PYM1: variants seen among roughly 807,000 people sequenced by gnomAD.
PYM1 encodes partner of Y14 and mago.
PYM1 carries 7 observed loss-of-function variants against 20.7 expected under a neutral mutation model. That is an observed-to-expected ratio of 0.34 (90% CI 0.19 to 0.64). PYM1 has a LOEUF of 0.64. Ranked by LOEUF, PYM1 falls within the 30% of genes least tolerant of loss-of-function variation. The probability of loss-of-function intolerance (pLI) is 0.74; values close to 1 mark genes in which losing one functional copy is unlikely to be tolerated. For synonymous variants in PYM1, 100 were observed against 99.2 expected (o/e 1.01, Z -0.05); for missense variants, 194 against 250.0 (o/e 0.78, Z 1.51).
intron 1 of PYM1, among the ~76,000 whole-genome samples, chr12:55,916,109 C>T (rs147978244): frequency 0.019 from 2,941 of 152,146 alleles, 42 homozygotes; most frequent in Middle Eastern, 0.065. Context: ...CCAAGGCGGG[C>T]GGATCACCTG....
At chr12:55,909,283 G>A (rs774085677) in intron 1 of PYM1, among the ~76,000 whole-genome samples, 52 of 152,178 alleles carry the variant, frequency 3.4e-4, no homozygotes, top group Non-Finnish European at 7.3e-4. Flanking sequence ...GGGAGACAGA[G>A]TAGATTAGAA....
At chr12:55,908,722 G>A (rs1463532479) in intron 1 of PYM1, among the ~76,000 whole-genome samples, 2 of 151,196 alleles carry the variant, frequency 1.3e-5, no homozygotes, top group Non-Finnish European at 2.9e-5. Context: ...GTGGTGGCTG[G>A]GCGTCTGTAA....
chr12:55,921,190 A>G (rs1327698810), intron 1 of PYM1, among the ~76,000 whole-genome samples: 1 of 152,236 alleles, frequency 6.6e-6, no homozygotes, highest in Non-Finnish European at 1.5e-5. Context: ...GGCCATATAT[A>G]GTAATTTCTT....
intron 1 of PYM1, among the ~76,000 whole-genome samples, chr12:55,907,423 A>G (rs1197317714): frequency 7.0e-6 from 1 of 143,522 alleles, no homozygotes; most frequent in Admixed American, 7.2e-5. Context: ...ACATGGTGAA[A>G]CCCTGTCTCT....
chr12:55,915,672 G>A (rs1340225040), intron 1 of PYM1, among the ~76,000 whole-genome samples: 1 of 152,052 alleles, frequency 6.6e-6, no homozygotes, highest in East Asian at 1.9e-4. Flanking sequence ...AAGTAAGGAG[G>A]AAGTGGGCAA....
Position 55,911,271 on chromosome 12 carries a change from G to C in PYM1, c.38-7791C>G, listed in dbSNP as rs375505800. Among the ~76,000 whole-genome samples the C allele has an allele frequency of 3.9e-4, 59 of 151,922 alleles. 2 individuals are homozygous for C. The East Asian group carries it at 4.5e-3, about 12-fold the overall frequency. The stretch of plus-strand genomic sequence containing the variant: ...TTACAGATGTGTGCCACCACGTCCG[G>C]CTAATTTTTATATATTTTTAAGTAG... On this transcript the variant is annotated intron_variant, in intron 1 of 2. Transcript: ENST00000408946.
At chr12:55,918,080 C>A (rs1883037789) in intron 1 of PYM1, among the ~76,000 whole-genome samples, 1 of 151,856 alleles carries the variant, frequency 6.6e-6, no homozygotes, top group African/African-American at 2.4e-5. Flanking sequence ...ATGTAACAAA[C>A]CTACACATTT....
chr12:55,917,608 G>A (rs1261088083), intron 1 of PYM1, among the ~76,000 whole-genome samples: 9 of 152,176 alleles, frequency 5.9e-5, no homozygotes, highest in South Asian at 4.1e-4. Context: ...GGGTACTCAC[G>A]GACATAAAGA....
At chr12:55,905,078 T>G (rs1005995658) in intron 1 of PYM1, among the ~76,000 whole-genome samples, 1 of 151,614 alleles carries the variant, frequency 6.6e-6, no homozygotes, top group African/African-American at 2.4e-5. Context: ...CTCGGCTCAC[T>G]GCAAGCTCTG....
chr12:55,926,097 T>C (rs1883182070), intron 1 of PYM1, among the ~76,000 whole-genome samples: 1 of 152,182 alleles, frequency 6.6e-6, no homozygotes, highest in South Asian at 2.1e-4. Context: ...AGGCACACTG[T>C]TGCTTCTACA....
intron 1 of PYM1, among the ~76,000 whole-genome samples, chr12:55,904,321 C>T (rs1204519517): frequency 8.1e-5 from 12 of 148,536 alleles, no homozygotes; most frequent in East Asian, 2.1e-4. Context: ...TGGCCAGGCA[C>T]GGTGGCTCAT....
chr12:55,922,445 C>CAAAAAAAAAAAAAAAAAAAAAAA (rs56355933), intron 1 of PYM1, among the ~76,000 whole-genome samples: 1 of 86,246 alleles, frequency 1.2e-5, no homozygotes, highest in Non-Finnish European at 2.2e-5. Flanking sequence ...CCATCTTTAC[C>CAAAAAAAAAAAAAAAAAAAAAAA]AAAAAAAAAA....
intron 1 of PYM1, among the ~76,000 whole-genome samples, chr12:55,906,911 G>A (rs1482694181): frequency 6.6e-6 from 1 of 151,940 alleles, no homozygotes; most frequent in Admixed American, 6.6e-5. Flanking sequence ...GCCTCCCAAA[G>A]TCCTGAGATT....
intron 1 of PYM1, among the ~76,000 whole-genome samples, chr12:55,920,829 C>T (rs1207538597): frequency 6.6e-6 from 1 of 152,080 alleles, no homozygotes; most frequent in Non-Finnish European, 1.5e-5. Context: ...AAGATGTTTA[C>T]AGAGTTTTTA....
intron 1 of PYM1, among the ~76,000 whole-genome samples, chr12:55,913,390 C>T (rs1882957131): frequency 6.6e-6 from 1 of 152,132 alleles, no homozygotes; most frequent in South Asian, 2.1e-4. Context: ...GGGCAAAAAG[C>T]ATATGTAACG....
intron 1 of PYM1, among the ~76,000 whole-genome samples, chr12:55,906,048 T>C (rs1003628750): frequency 6.8e-6 from 1 of 147,502 alleles, no homozygotes; most frequent in Non-Finnish European, 1.5e-5. Flanking sequence ...AATTTTATCA[T>C]TGGCGAGAAA....
In PYM1 at chr12:55,927,733, G is replaced by A; in HGVS notation, c.29C>T (p.Thr10Met). The A allele has an allele frequency of 6.5e-7, 1 of 1,539,904 alleles. No individual in the cohort carries two copies. Residue 10 changes from threonine (T) to methionine (M), a missense_variant, in exon 1 of 3, where the codon ACG (threonine) becomes ATG (methionine). Coordinates refer to ENST00000408946, the MANE Select transcript of PYM1 (RefSeq NM_032345.3). MEAAGSPAA[T>M]ETGKYIASTQ... is the part of the protein sequence containing the mutation. ...CGCCGCGGGTCGGTCACCTGTCTCC[G>A]TAGCCGCAGGGCTGCCGGCAGCTTC...
intron 1 of PYM1, among the ~76,000 whole-genome samples, chr12:55,910,125 A>T (rs1882893677): frequency 6.6e-6 from 1 of 152,098 alleles, no homozygotes; most frequent in Non-Finnish European, 1.5e-5. Context: ...TGATGAAAAG[A>T]GTCAAACTCT....
chr12:55,917,580 A>C (rs1418663969), intron 1 of PYM1, among the ~76,000 whole-genome samples: 2 of 152,292 alleles, frequency 1.3e-5, no homozygotes, highest in East Asian at 3.9e-4. Flanking sequence ...TCTCACTTAT[A>C]AGTAGGAGCT....
Sources: allele counts gnomAD v4.1 joint callset (sites outside exome capture counted in the v4.1 genomes callset), GRCh38; gene constraint gnomAD v4.1.1; transcripts MANE v1.5; gene names NCBI Gene and HGNC (gene_info 2026-07-23, HGNC 2026-07-21).